BCAS3: variants seen among roughly 807,000 people sequenced by gnomAD.
The protein encoded by BCAS3 is BCAS4/BCAS3 fusion.
In BCAS3, 53 loss-of-function variants were observed where a neutral mutation model predicts 116.1. The ratio of observed to expected loss-of-function variants is 0.46; its 90% CI spans 0.37 to 0.57. The LOEUF (loss-of-function observed/expected upper bound fraction) is 0.57, where lower values mean the gene tolerates loss of function less well. Ranked by LOEUF, BCAS3 falls within the 20% of genes least tolerant of loss-of-function variation. BCAS3 has a pLI of 0.00. For missense variants in BCAS3, 917 were observed against 1,165.4 expected, an observed-to-expected ratio of 0.79 and a Z score of 3.10; for synonymous variants, 391 against 408.2, an observed-to-expected ratio of 0.96 and a Z score of 0.51.
At position 61,322,830 on chromosome 17, in the gene BCAS3, C is replaced by CAGAG. The variant is rs1237128472; in HGVS notation, c.2426-45475_2426-45472dup. Among the ~76,000 whole-genome samples the CAGAG allele has an allele frequency of 2.7e-3, 203 of 75,480 alleles. 4 individuals carry two copies. Among genetic ancestry groups the CAGAG allele is most frequent in the Non-Finnish European group, 4.3e-3 (154 of 36,174 alleles). The allele number at this position is 75,480 out of a possible 152,430, so 49.5% of individuals were successfully genotyped here. A position where few individuals can be genotyped will look rare whatever the true frequency, so the allele number is the denominator to read the frequency against. On this transcript the variant is annotated intron_variant, in intron 22 of 23. Transcript: ENST00000407086. ...AGAGAGAGAGAGAGAGAGAGAGAGACAGAGAGAGAGAGAGAGAGAGAGAGA... is the reference window on the plus strand; with the variant it reads ...AGAGAGAGAGAGAGAGAGAGAGAGACAGAGAGAGAGAGAGAGAGAGAGAGAGAGA...
rs2081858380 is a variant in BCAS3 at position 61,217,307 on chromosome 17, ATAAAGTTAGCAC to A, written c.2425+132746_2425+132757del. 1.3e-5 allele frequency among the ~76,000 whole-genome samples: 2 copies of A among 152,122 alleles called. No homozygotes were observed. The highest frequency in any genetic ancestry group is 2.4e-5 in the African/African-American group (1 of 41,422). On this transcript the variant is annotated intron_variant, in intron 22 of 23. Coordinates refer to ENST00000407086, the MANE Select transcript of BCAS3 (RefSeq NM_017679.5). This position sits in a 1 kb window ranked among gnomAD's most constrained non-coding sequence, Gnocchi z 5.2. ...CAAATAAATAAATAAACAAATAAAA[ATAAAGTTAGCAC>A]TAGTTTTAAAGTATCCTCCATTTTT... is the stretch of plus-strand genomic sequence containing the variant.
At chr17:61,115,398 AAAAC>A (rs1308168078) in intron 22 of BCAS3, among the ~76,000 whole-genome samples, 2 of 150,830 alleles carry the variant, frequency 1.3e-5, no homozygotes, top group Non-Finnish European at 1.5e-5. Flanking sequence ...TTACAAGAAA[AAAAC>A]AAACAACCCC....
rs370482007 is a variant in BCAS3, at chr17:60,843,814, ATTAC to A, written c.477-24758_477-24755del. 4.6e-4 allele frequency among the ~76,000 whole-genome samples: 70 copies of A among 152,164 alleles called. 1 individual carries two copies. In the East Asian group the frequency reaches 0.011, roughly 25 times the overall value. On this transcript the variant is annotated intron_variant, in intron 7 of 23. Coordinates refer to ENST00000407086, the MANE Select transcript of BCAS3 (RefSeq NM_017679.5). Reference sequence around the variant, plus strand: ...CGACTCTATGTTTTTCTTTATGCATATTACTTATTAATCTCTAACATTTGATTTA... The same window carrying A: ...CGACTCTATGTTTTTCTTTATGCATATTATTAATCTCTAACATTTGATTTA...
chr17:60,684,003 T>C lies in BCAS3; in HGVS notation c.105T>C (p.Ser35=), dbSNP rs1178541275. 3 of 1,613,826 alleles carry C rather than the reference T, an allele frequency of 1.9e-6. No individual in the cohort carries two copies. The highest frequency in any genetic ancestry group is 1.3e-5 in the African/African-American group (1 of 74,920). ...CCAGAGAGCAGTCCTACATGGAAAGTGTTGTGACTTTTCTGCAGGATGTTG... is the reference window on the plus strand; with the variant it reads ...CCAGAGAGCAGTCCTACATGGAAAGCGTTGTGACTTTTCTGCAGGATGTTG... ...QAVTEQSYME[S]VVTFLQDVVP... is the part of the protein sequence containing the mutation. The change falls in exon 3 of 24, where the codon AGT becomes AGC. Residue 35 remains serine, a synonymous_variant. Coordinates refer to ENST00000407086, the MANE Select transcript of BCAS3 (RefSeq NM_017679.5).
chr17:60,836,144 T>A (rs184148092), intron 7 of BCAS3, among the ~76,000 whole-genome samples: 1 of 152,080 alleles, frequency 6.6e-6, no homozygotes, highest in East Asian at 1.9e-4. Context: ...CCCACTAGAG[T>A]GGTACATTTG....
Position 61,037,937 on chromosome 17 carries a change from A to G in BCAS3, c.1811A>G (p.Tyr604Cys), listed in dbSNP as rs2145609473. Residue 604 changes from tyrosine to cysteine, a missense_variant, in exon 18 of 24, where the codon TAT becomes TGT. Physicochemically the swap from Tyr to Cys is radical, Grantham distance 194. Coordinates refer to ENST00000407086, the MANE Select transcript of BCAS3 (RefSeq NM_017679.5). The surrounding 1 kb of genome is among the most constrained non-coding windows in gnomAD (Gnocchi z 4.7). ...GAGTCCCTGTACATTATCAGTTGCT[A>G]TGGCACCTTAGTGGAACACATGATG... ...VVESLYIISC[Y>C]GTLVEHMMEP... The G allele has an allele frequency of 3.1e-6, 5 of 1,614,052 alleles. No individual in the cohort carries two copies. The highest frequency in any genetic ancestry group is 4.2e-6 in the Non-Finnish European group (5 of 1,179,940).
At chr17:61,283,080 G>GT (rs200888840) in intron 22 of BCAS3, among the ~76,000 whole-genome samples, 19 of 151,376 alleles carry the variant, frequency 1.3e-4, no homozygotes, top group Middle Eastern at 3.4e-3. Flanking sequence ...AAGTTGTGTT[G>GT]TTTTTTTTGC....
intron 19 of BCAS3, among the ~76,000 whole-genome samples, chr17:61,066,944 A>G (rs1326270091): frequency 6.6e-6 from 1 of 151,980 alleles, no homozygotes; most frequent in East Asian, 1.9e-4. Flanking sequence ...TATACCTTTA[A>G]TCTTGCAATT....
At chr17:61,267,898 C>A (rs968027877) in intron 22 of BCAS3, among the ~76,000 whole-genome samples, 12 of 152,160 alleles carry the variant, frequency 7.9e-5, no homozygotes, top group African/African-American at 2.6e-4. Flanking sequence ...GAGAACCTGT[C>A]CTATATAGGT....
In BCAS3 at chr17:61,326,939, A is replaced by G. The variant is rs1004683099; in HGVS notation, c.2426-41388A>G. Among the ~76,000 whole-genome samples the G allele has an allele frequency of 6.6e-6, 1 of 152,224 alleles. No individual in the cohort carries two copies. The highest frequency in any genetic ancestry group is 1.5e-5 in the Non-Finnish European group (1 of 68,036). ...ATTTGTTGTTAGAGGAAGAAAAGAA[A>G]AAAGAAATAACAAATAGTAGAAGGA... On this transcript the variant is annotated intron_variant, in intron 22 of 23. Coordinates refer to ENST00000407086, the MANE Select transcript of BCAS3 (RefSeq NM_017679.5). The surrounding 1 kb of genome is among the most constrained non-coding windows in gnomAD (Gnocchi z 5.3).
chr17:61,316,092 G>A lies in BCAS3; in HGVS notation c.2426-52235G>A, dbSNP rs1431479861. ...AGTCGAGGCAGGTGGATCACCTGAG[G>A]TCAGGAGTTCGAAACCAGCCTGGCC... is the stretch of plus-strand genomic sequence containing the variant. On this transcript the variant is annotated intron_variant, in intron 22 of 23. Transcript: ENST00000407086. The surrounding 1 kb of genome is among the most constrained non-coding windows in gnomAD (Gnocchi z 5.8). 3.3e-5 allele frequency among the ~76,000 whole-genome samples: 5 copies of A among 152,064 alleles called. No homozygotes were observed. The highest frequency in any genetic ancestry group is 7.4e-5 in the Non-Finnish European group (5 of 68,014).
intron 15 of BCAS3, among the ~76,000 whole-genome samples, chr17:61,011,859 CATTT>C (rs1457205656): frequency 1.3e-5 from 2 of 151,986 alleles, no homozygotes; most frequent in African/African-American, 2.4e-5. Flanking sequence ...GTAGTTATTG[CATTT>C]ATTTATTTAA....
At chr17:61,305,407 C>A (rs375406467) in intron 22 of BCAS3, among the ~76,000 whole-genome samples, 2 of 152,140 alleles carry the variant, frequency 1.3e-5, no homozygotes, top group East Asian at 1.9e-4. Flanking sequence ...AAGAGCATGG[C>A]CTTTGAAAGA....
intron 6 of BCAS3, among the ~76,000 whole-genome samples, chr17:60,786,826 C>T (rs2046327152): frequency 6.6e-6 from 1 of 151,934 alleles, no homozygotes; most frequent in African/African-American, 2.4e-5. Context: ...GGTAAAAGCT[C>T]TATGTTTTAT....
intron 5 of BCAS3, among the ~76,000 whole-genome samples, chr17:60,736,893 C>A (rs2041028225): frequency 1.6e-5 from 2 of 126,886 alleles, no homozygotes; most frequent in South Asian, 5.6e-4. Context: ...TCCCTCCCTC[C>A]CTCCCTTCCT....
rs1477305623 is a variant in BCAS3, at chr17:61,208,898, G to T, written c.2425+124334G>T. On this transcript the variant is annotated intron_variant, in intron 22 of 23. Coordinates refer to ENST00000407086, the MANE Select transcript of BCAS3 (RefSeq NM_017679.5). The surrounding 1 kb of genome is among the most constrained non-coding windows in gnomAD (Gnocchi z 4.5). ...AAAGGAAAAAAAAAAAAAAAGGAGGGCCTGTATCTCTTGTGTAGCTCAGAT... is the reference window on the plus strand; with the variant it reads ...AAAGGAAAAAAAAAAAAAAAGGAGGTCCTGTATCTCTTGTGTAGCTCAGAT... Among the ~76,000 whole-genome samples, 1 of 150,842 alleles carries T rather than the reference G, an allele frequency of 6.6e-6. No homozygotes were observed. The highest frequency in any genetic ancestry group is 1.5e-5 in the Non-Finnish European group (1 of 67,740).
rs1258024424 is a variant in BCAS3, at chr17:61,136,534, C to T, written c.2425+51970C>T. The stretch of plus-strand genomic sequence containing the variant: ...TCCCTCAGATGCCTCCAAATATTGC[C>T]AAATGTCCCCTTGTGGACAAAATTG... On this transcript the variant is annotated intron_variant, in intron 22 of 23. Coordinates refer to ENST00000407086, the MANE Select transcript of BCAS3 (RefSeq NM_017679.5). The surrounding 1 kb of genome is among the most constrained non-coding windows in gnomAD (Gnocchi z 4.4). Among the ~76,000 whole-genome samples, 9 of 152,142 alleles carry T rather than the reference C, an allele frequency of 5.9e-5. No homozygotes were observed. Among genetic ancestry groups the T allele is most frequent in the African/African-American group, 2.4e-5 (1 of 41,422 alleles).
Position 61,347,279 on chromosome 17 carries a change from A to G in BCAS3, c.2426-21048A>G, listed in dbSNP as rs2057557649. Among the ~76,000 whole-genome samples the G allele has an allele frequency of 6.6e-6, 1 of 152,016 alleles. No individual in the cohort carries two copies. Among genetic ancestry groups the G allele is most frequent in the Non-Finnish European group, 1.5e-5 (1 of 68,002 alleles). On this transcript the variant is annotated intron_variant, in intron 22 of 23. Coordinates refer to ENST00000407086, the MANE Select transcript of BCAS3 (RefSeq NM_017679.5). The surrounding 1 kb of genome is among the most constrained non-coding windows in gnomAD (Gnocchi z 4.3). ...ATATTTTTAGTAGAGACGGGGTTAC[A>G]CCGTGTTGGCCAGGCTGGTCTCGAT...
At chr17:60,717,685 C>T (rs868028996) in intron 5 of BCAS3, among the ~76,000 whole-genome samples, 18 of 152,248 alleles carry the variant, frequency 1.2e-4, no homozygotes, top group African/African-American at 4.1e-4. Flanking sequence ...TGGACTTTTA[C>T]GGTGAAATTA....
Sources: gnomAD v4.1 joint callset for allele counts (sites outside exome capture counted in the v4.1 genomes callset) on GRCh38, gnomAD v4.1.1 for gene constraint, Gnocchi (gnomAD v3.1) non-coding constraint, MANE v1.5 for transcripts, NCBI Gene and HGNC (gene_info 2026-07-23, HGNC 2026-07-21) for gene names.